PCDHA4: variants seen among roughly 807,000 people sequenced by gnomAD.
The protein encoded by PCDHA4 is protocadherin alpha-4.
In PCDHA4, 49 loss-of-function variants were observed where a neutral mutation model predicts 61.4. The ratio of observed to expected loss-of-function variants is 0.80; its 90% CI spans 0.63 to 1.01. PCDHA4 has a LOEUF of 1.01. Among genes scored for constraint, PCDHA4 ranks in the 50% least tolerant of loss-of-function variants. The probability of loss-of-function intolerance (pLI) is 0.00; values close to 1 mark genes in which losing one functional copy is unlikely to be tolerated. For synonymous variants in PCDHA4, 590 were observed against 550.3 expected (o/e 1.07, Z -1.01); for missense variants, 1,254 against 1,235.8 (o/e 1.01, Z -0.22).
chr5:140,923,832 T>C (rs1584323997), intron 1 of PCDHA4, among the ~76,000 whole-genome samples: 1 of 152,306 alleles, frequency 6.6e-6, no homozygotes, highest in East Asian at 1.9e-4. Context: ...TCAGTGGCAG[T>C]TTAAATAGAG....
intron 1 of PCDHA4, among the ~76,000 whole-genome samples, chr5:140,893,393 C>T (rs1358613018): frequency 6.6e-6 from 1 of 152,144 alleles, no homozygotes; most frequent in Non-Finnish European, 1.5e-5. Context: ...TGGCTCATGC[C>T]TGTAATCCCA....
intron 1 of PCDHA4, chr5:140,829,429 C>G: frequency 5.0e-6 from 8 of 1,614,012 alleles, no homozygotes; most frequent in African/African-American, 1.3e-5. Context: ...TGGAGGTGGC[C>G]GACATGAATG....
At chr5:140,985,067 A>C (rs2153836144) in intron 3 of PCDHA4, among the ~76,000 whole-genome samples, 1 of 152,116 alleles carries the variant, frequency 6.6e-6, no homozygotes, top group East Asian at 1.9e-4. Flanking sequence ...CCTCCTGAGT[A>C]GCTGAGACTA....
chr5:140,941,243 CTT>C (rs782176516), intron 1 of PCDHA4, among the ~76,000 whole-genome samples: 1 of 131,826 alleles, frequency 7.6e-6, no homozygotes, highest in Non-Finnish European at 1.6e-5. Flanking sequence ...TTCTTTCTTT[CTT>C]TCTTTCTTTC....
At chr5:140,870,134 A>G (rs2051696193) in intron 1 of PCDHA4, 1 of 1,613,888 alleles carries the variant, frequency 6.2e-7, no homozygotes, top group African/African-American at 1.3e-5. Flanking sequence ...GACACCAACG[A>G]TAACTCTCCT....
chr5:140,843,922 A>C, intron 1 of PCDHA4: 1 of 591,956 alleles, frequency 1.7e-6, no homozygotes, highest in Non-Finnish European at 2.9e-6. Flanking sequence ...CTATCTTGAA[A>C]CTCAAGTTAT....
At chr5:140,974,910 C>T (rs1054560750) in intron 1 of PCDHA4, among the ~76,000 whole-genome samples, 1 of 152,114 alleles carries the variant, frequency 6.6e-6, no homozygotes, top group Admixed American at 6.5e-5. Flanking sequence ...AACAAATTAC[C>T]ACAAGTAAGT....
intron 1 of PCDHA4, among the ~76,000 whole-genome samples, chr5:140,838,085 T>TA (rs1554136878): frequency 2.0e-4 from 13 of 64,188 alleles, no homozygotes; most frequent in African/African-American, 3.3e-4. Context: ...ATAGTGTGTG[T>TA]GTGTGTGTGT....
rs1554123890 is a variant in PCDHA4 at position 140,807,338 on chromosome 5, G to A, written c.151G>A (p.Asp51Asn). 8 of 1,613,420 alleles carry A rather than the reference G, an allele frequency of 5.0e-6. No individual in the cohort carries two copies. The South Asian group carries it at 8.8e-5, about 18-fold the overall frequency. The change falls in exon 1 of 4, where the codon GAC becomes AAC. Residue 51 changes from aspartate (D) to asparagine (N), a missense_variant. Physicochemically the swap from Asp to Asn is conservative, Grantham distance 23 (BLOSUM62 1). Transcript: ENST00000530339. The stretch of plus-strand genomic sequence containing the variant: ...CACCTTCGTGGGCCGCATCGCGCAG[G>A]ACCTGGGACTGGAGCTGGCGGAGCT... ...HGTFVGRIAQDLGLELAELVP... is the reference protein window; with the variant it reads ...HGTFVGRIAQNLGLELAELVP...
intron 1 of PCDHA4, among the ~76,000 whole-genome samples, chr5:140,855,657 G>A (rs2043553278): frequency 6.7e-6 from 1 of 149,788 alleles, no homozygotes; most frequent in African/African-American, 2.5e-5. Context: ...GGTTAGGGAA[G>A]AAATCACTAC....
chr5:140,893,312 A>C (rs2063923388), intron 1 of PCDHA4, among the ~76,000 whole-genome samples: 1 of 152,106 alleles, frequency 6.6e-6, no homozygotes, highest in Non-Finnish European at 1.5e-5. Context: ...TAGTTTTTTG[A>C]GGGACTCCCA....
At chr5:140,985,684 C>T (rs2097164164) in intron 3 of PCDHA4, among the ~76,000 whole-genome samples, 1 of 151,578 alleles carries the variant, frequency 6.6e-6, no homozygotes, top group Non-Finnish European at 1.5e-5. Flanking sequence ...CTGCCTTACG[C>T]TAATCCTCGT....
chr5:140,851,545 G>A, intron 1 of PCDHA4: 1 of 908,276 alleles, frequency 1.1e-6, no homozygotes, highest in East Asian at 1.2e-4. Context: ...GATAATTCAA[G>A]AAATGTTGAC....
At chr5:140,876,062 G>T in intron 1 of PCDHA4, 1 of 1,613,842 alleles carries the variant, frequency 6.2e-7, no homozygotes, top group Non-Finnish European at 8.5e-7. Context: ...TTAGTTCTTC[G>T]GAAGTTATTG....
In PCDHA4 at chr5:140,974,947, C is replaced by T. The variant is rs145175873; in HGVS notation, c.2386-4002C>T. On this transcript the variant is annotated intron_variant, in intron 1 of 3. Coordinates refer to ENST00000530339, the MANE Select transcript of PCDHA4 (RefSeq NM_018907.4). ...GTTTAAAACACCACCTATTTGTTAT[C>T]TCACAGTCCTGTACCATGTGGCTGA... is the stretch of plus-strand genomic sequence containing the variant. 2.7e-3 allele frequency among the ~76,000 whole-genome samples: 417 copies of T among 152,322 alleles called. 3 individuals carry two copies. The highest frequency in any genetic ancestry group is 2.1e-3 in the Non-Finnish European group (142 of 68,022).
chr5:140,908,287 C>G (rs781987945), intron 1 of PCDHA4, among the ~76,000 whole-genome samples: 1 of 152,136 alleles, frequency 6.6e-6, no homozygotes, highest in African/African-American at 2.4e-5. Flanking sequence ...TTGTTGCAAG[C>G]TGGGGAAGAG....
intron 3 of PCDHA4, among the ~76,000 whole-genome samples, chr5:140,987,524 GT>G (rs1341881093): frequency 6.6e-6 from 1 of 152,144 alleles, no homozygotes; most frequent in Non-Finnish European, 1.5e-5. Flanking sequence ...GTAATTGTAT[GT>G]TCCTGGGACC....
At chr5:140,978,767 AC>A (rs1167493285) in intron 1 of PCDHA4, among the ~76,000 whole-genome samples, 181 bp from the exon 2 acceptor site, 4 of 152,342 alleles carry the variant, frequency 2.6e-5, no homozygotes, top group South Asian at 2.1e-4. Flanking sequence ...ACCCTGATGA[AC>A]TAATTTTCTT....
At chr5:140,851,776 A>G (rs2042157879) in intron 1 of PCDHA4, 1 of 964,146 alleles carries the variant, frequency 1.0e-6, no homozygotes, top group South Asian at 4.8e-5. Flanking sequence ...TTATGAATTT[A>G]GATGAGAATT....
Sources: allele counts gnomAD v4.1 joint callset (sites outside exome capture counted in the v4.1 genomes callset), GRCh38; gene constraint gnomAD v4.1.1; transcripts MANE v1.5; gene names NCBI Gene and HGNC (gene_info 2026-07-23, HGNC 2026-07-21).